Variants in PREX2 observed in about 807,000 individuals in gnomAD.
PREX2 encodes the protein phosphatidylinositol-3,4,5-trisphosphate dependent Rac exchange factor 2, also known as phosphatidylinositol 3,4,5-trisphosphate-dependent Rac exchanger 2 protein.
In PREX2, 107 loss-of-function variants were observed where a neutral mutation model predicts 203.2. The ratio of observed to expected loss-of-function variants is 0.53; its 90% CI spans 0.45 to 0.62. The LOEUF (loss-of-function observed/expected upper bound fraction) is 0.62. Ranked by LOEUF, PREX2 falls within the 20% of genes least tolerant of loss-of-function variation. The pLI, the probability that PREX2 is intolerant of heterozygous loss-of-function variation, is 0.00. For synonymous variants in PREX2, 672 were observed against 663.6 expected (o/e 1.01, Z -0.19); for missense variants, 1,777 against 1,955.9 (o/e 0.91, Z 1.72).
intron 37 of PREX2, among the ~76,000 whole-genome samples, chr8:68,195,929 G>A (rs1420694499): frequency 6.6e-6 from 1 of 152,186 alleles, no homozygotes; most frequent in African/African-American, 2.4e-5. Flanking sequence ...CGAAAAGGCA[G>A]ATTTAATTAA....
intron 1 of PREX2, among the ~76,000 whole-genome samples, chr8:67,977,756 A>G (rs951903616): frequency 6.6e-6 from 1 of 152,164 alleles, no homozygotes; most frequent in Non-Finnish European, 1.5e-5. Context: ...TACATAATGA[A>G]GCTTCCATAA....
At chr8:68,060,276 A>G (rs773946711) in intron 10 of PREX2, among the ~76,000 whole-genome samples, 1 of 152,164 alleles carries the variant, frequency 6.6e-6, no homozygotes, top group Non-Finnish European at 1.5e-5. Context: ...AGCTCTTTAT[A>G]TTAAGTTATT....
At chr8:68,142,589 C>T (rs149744702) in intron 33 of PREX2, among the ~76,000 whole-genome samples, 2 of 152,134 alleles carry the variant, frequency 1.3e-5, no homozygotes, top group African/African-American at 2.4e-5. Context: ...GCTATAAACA[C>T]ACATGTGCAG....
At chr8:67,976,619 CAG>C (rs10581123) in intron 1 of PREX2, among the ~76,000 whole-genome samples, 8 of 61,296 alleles carry the variant, frequency 1.3e-4, no homozygotes, top group African/African-American at 2.8e-4. Flanking sequence ...GAGACAGAGA[CAG>C]AGAGAGAGAG....
chr8:68,187,533 A>G (rs970515991), intron 35 of PREX2, among the ~76,000 whole-genome samples: 11 of 152,164 alleles, frequency 7.2e-5, no homozygotes, highest in African/African-American at 2.7e-4. Flanking sequence ...TTAATCTTCA[A>G]CATCATGCTA....
rs1250970744 is a variant in PREX2, at chr8:67,976,694, G to A, written c.141+24159G>A. 1.9e-5 allele frequency among the ~76,000 whole-genome samples: 2 copies of A among 103,232 alleles called. 1 individual carries two copies. The highest frequency in any genetic ancestry group is 4.2e-5 in the Non-Finnish European group (2 of 47,956). 67.7% of individuals were successfully genotyped at this position (103,232 alleles called of 152,430 possible). ...CAGAGAGAGAGACAGGAGAGAGACA[G>A]AGAGAGAGAGACGGGAGAGAGACAG... On this transcript the variant is annotated intron_variant, in intron 1 of 39. Coordinates refer to ENST00000288368, the MANE Select transcript of PREX2 (RefSeq NM_024870.4).
chr8:67,956,714 C>G (rs1332472547), intron 1 of PREX2, among the ~76,000 whole-genome samples: 1 of 152,154 alleles, frequency 6.6e-6, no homozygotes, highest in African/African-American at 2.4e-5. Flanking sequence ...AAAGGGAGTG[C>G]TATTAATAAT....
Position 67,984,961 on chromosome 8 carries a change from C to T in PREX2, c.141+32426C>T, listed in dbSNP as rs559793580. Among the ~76,000 whole-genome samples, 57 of 151,294 alleles carry T rather than the reference C, an allele frequency of 3.8e-4. 1 individual carries two copies. The Middle Eastern group carries it at 0.017, about 46-fold the overall frequency. ...AGCCCAGGCACCCAGCCCAGTCGCA[C>T]GGGTCCCTGTTAGGACTTTGGGCTG... On this transcript the variant is annotated intron_variant, in intron 1 of 39. Transcript: ENST00000288368.
chr8:68,184,292 G>T (rs1812146088), intron 35 of PREX2, among the ~76,000 whole-genome samples: 1 of 152,080 alleles, frequency 6.6e-6, no homozygotes, highest in African/African-American at 2.4e-5. Flanking sequence ...CCTAATTTAG[G>T]TGCTGTAGTA....
intron 1 of PREX2, among the ~76,000 whole-genome samples, chr8:67,978,752 A>G (rs1338534804): frequency 6.6e-6 from 1 of 152,148 alleles, no homozygotes; most frequent in Admixed American, 6.5e-5. Context: ...TTAGTTTTAT[A>G]TCTGTAAGTA....
intron 1 of PREX2, among the ~76,000 whole-genome samples, chr8:67,965,245 A>G (rs1287704512): frequency 6.6e-6 from 1 of 151,944 alleles, no homozygotes; most frequent in Non-Finnish European, 1.5e-5. Flanking sequence ...GAAATAGAAA[A>G]CCTTAGTTCT....
rs543793200 is a variant in PREX2 at position 68,047,025 on chromosome 8, C to T, written c.943+2435C>T. ...AACTTGTCCATGTTTACCAAGCTGACCAGGACAGAGCTGGAGCTAGAGTTA... is the reference window on the plus strand; with the variant it reads ...AACTTGTCCATGTTTACCAAGCTGATCAGGACAGAGCTGGAGCTAGAGTTA... On this transcript the variant is annotated intron_variant, in intron 8 of 39. Transcript: ENST00000288368. Among the ~76,000 whole-genome samples, 5 of 152,040 alleles carry T rather than the reference C, an allele frequency of 3.3e-5. No homozygotes were observed. The East Asian group carries it at 5.8e-4, about 18-fold the overall frequency.
chr8:68,058,195 C>G (rs976765192), intron 10 of PREX2, among the ~76,000 whole-genome samples: 2 of 152,080 alleles, frequency 1.3e-5, no homozygotes, highest in Admixed American at 1.3e-4. Context: ...CTCGACCTCT[C>G]ACTCTTAAAA....
At chr8:68,215,232 T>C (rs1241697975) in intron 37 of PREX2, among the ~76,000 whole-genome samples, 1 of 152,216 alleles carries the variant, frequency 6.6e-6, no homozygotes, top group Admixed American at 6.5e-5. Flanking sequence ...AAATGAGTAG[T>C]AATTGTAGGC....
At chr8:68,010,777 G>A (rs1264062407) in intron 1 of PREX2, among the ~76,000 whole-genome samples, 1 of 152,086 alleles carries the variant, frequency 6.6e-6, no homozygotes, top group Non-Finnish European at 1.5e-5. Flanking sequence ...GTGTAGGGGA[G>A]GAAGGTGGTG....
At chr8:67,961,173 A>T (rs553776949) in intron 1 of PREX2, among the ~76,000 whole-genome samples, 62 of 151,952 alleles carry the variant, frequency 4.1e-4, no homozygotes, top group Non-Finnish European at 6.9e-4. Flanking sequence ...TTTAGTATAT[A>T]CCTGGTATTA....
At chr8:67,967,120 AT>A (rs1805799864) in intron 1 of PREX2, among the ~76,000 whole-genome samples, 2 of 152,318 alleles carry the variant, frequency 1.3e-5, no homozygotes, top group Admixed American at 6.5e-5. Flanking sequence ...ATTTGAAAGA[AT>A]TTTTATTTTT....
intron 35 of PREX2, among the ~76,000 whole-genome samples, chr8:68,171,568 A>G (rs1811878074): frequency 6.6e-6 from 1 of 152,150 alleles, no homozygotes; most frequent in Non-Finnish European, 1.5e-5. Context: ...GTCTTTAAGT[A>G]CAGCTGAGGA....
intron 5 of PREX2, among the ~76,000 whole-genome samples, chr8:68,028,986 C>A (rs1166662224): frequency 6.6e-6 from 1 of 151,968 alleles, no homozygotes; most frequent in Admixed American, 6.6e-5. Context: ...ATTATCTCCA[C>A]AAAGCAACAT....
Sources: allele counts gnomAD v4.1 joint callset (sites outside exome capture counted in the v4.1 genomes callset), GRCh38; gene constraint gnomAD v4.1.1; transcripts MANE v1.5; gene names NCBI Gene and HGNC (gene_info 2026-07-23, HGNC 2026-07-21).